The following MTMR14 variants were observed in gnomAD, a reference collection of about 807,000 sequenced individuals.
The protein encoded by MTMR14 is phosphatidylinositol-3,5-bisphosphate 3-phosphatase MTMR14.
Under a neutral mutation model 86.3 loss-of-function variants are expected in MTMR14, and 48 were observed. The observed-to-expected ratio is 0.56, with a 90% CI of 0.44 to 0.71. The LOEUF is 0.71. Ranked by LOEUF, MTMR14 falls within the 30% of genes least tolerant of loss-of-function variation. The pLI is 0.00. For missense variants in MTMR14, 780 were observed against 834.6 expected (o/e 0.93, Z 0.81); for synonymous variants, 366 against 326.1 (o/e 1.12, Z -1.32).
At chr3:9,689,129 G>A in intron 16 of MTMR14, 47 bp downstream of exon 16, 1 of 1,601,072 alleles carries the variant, frequency 6.2e-7, no homozygotes, top group East Asian at 2.2e-5. Flanking sequence ...TGTGGCCCGG[G>A]GCCATCAGCA....
At chr3:9,686,317 C>T (rs1197804643) in intron 13 of MTMR14, among the ~76,000 whole-genome samples, 2 of 152,190 alleles carry the variant, frequency 1.3e-5, no homozygotes, top group Admixed American at 6.5e-5. Context: ...TCCCGGAGCT[C>T]TGGGACATTC....
At chr3:9,650,635 T>C (rs185818816) in intron 1 of MTMR14, 280 of 262,986 alleles carry the variant, frequency 1.1e-3, no homozygotes, top group African/African-American at 5.8e-3. Context: ...AAGTAATTTT[T>C]CCAAGTATAG....
chr3:9,670,457 G>A (rs2048506645), intron 5 of MTMR14, among the ~76,000 whole-genome samples: 1 of 152,238 alleles, frequency 6.6e-6, no homozygotes, highest in African/African-American at 2.4e-5. Context: ...ACTTCTGCCT[G>A]TATCTGCAGG....
At chr3:9,668,622 A>G in intron 3 of MTMR14, 97 bp from the exon 4 acceptor site, 1 of 1,318,122 alleles carries the variant, frequency 7.6e-7, no homozygotes, top group African/African-American at 1.4e-5. Context: ...TGGGCCCGTT[A>G]TGCTGGCCTG....
chr3:9,688,773 C>A lies in MTMR14; in HGVS notation c.1294+19C>A, dbSNP rs1559608688. 2 of 1,614,088 alleles carry A rather than the reference C, an allele frequency of 1.2e-6. No homozygotes were observed. Among genetic ancestry groups the A allele is most frequent in the African/African-American group, 1.3e-5 (1 of 75,022 alleles). On this transcript the variant is annotated intron_variant, in intron 15 of 18. Coordinates refer to ENST00000296003, the MANE Select transcript of MTMR14 (RefSeq NM_001077525.3). ...ATGCTGAGTGAGTCCTGGGCCCCAA[C>A]AGACTTCCCTTCCTCCATACATCTT... is the stretch of plus-strand genomic sequence containing the variant.
intron 3 of MTMR14, among the ~76,000 whole-genome samples, chr3:9,662,721 A>C (rs1277342086): frequency 6.6e-6 from 1 of 152,246 alleles, no homozygotes; most frequent in Non-Finnish European, 1.5e-5. Flanking sequence ...AGATTAAATC[A>C]AATGAGTTCC....
chr3:9,653,854 G>A (rs1316193862), intron 2 of MTMR14, 85 bp downstream of exon 2: 1 of 1,564,812 alleles, frequency 6.4e-7, no homozygotes, highest in African/African-American at 1.4e-5. Context: ...AGCTGGGCAG[G>A]GCAGAATCAC....
intron 2 of MTMR14, among the ~76,000 whole-genome samples, chr3:9,660,026 C>T (rs2047833120): frequency 6.6e-6 from 1 of 152,150 alleles, no homozygotes; most frequent in Non-Finnish European, 1.5e-5. Context: ...ATGGTGCTGA[C>T]CAGATATGTG....
At chr3:9,696,369 T>C (rs1043106746) in intron 17 of MTMR14, among the ~76,000 whole-genome samples, 1 of 152,068 alleles carries the variant, frequency 6.6e-6, no homozygotes, top group African/African-American at 2.4e-5. Context: ...CCGGGCATGG[T>C]GGCGGGCGTC....
At chr3:9,669,591 T>G in intron 5 of MTMR14, 99 bp downstream of exon 5, 1 of 1,261,812 alleles carries the variant, frequency 7.9e-7, no homozygotes, top group Non-Finnish European at 1.1e-6. Flanking sequence ...TTGTCACTGG[T>G]TCAGGTGAGT....
chr3:9,664,049 A>G (rs11715076), intron 3 of MTMR14, among the ~76,000 whole-genome samples: 13,514 of 151,184 alleles, frequency 0.089, 599 homozygotes, highest in Admixed American at 0.12. Flanking sequence ...TCAGCCTCCC[A>G]AAGTGCTGGG....
chr3:9,653,108 C>T (rs897946198), intron 1 of MTMR14, among the ~76,000 whole-genome samples: 1 of 152,162 alleles, frequency 6.6e-6, no homozygotes, highest in African/African-American at 2.4e-5. Context: ...CGTGGTTCTA[C>T]GCACCTGTAA....
intron 3 of MTMR14, among the ~76,000 whole-genome samples, chr3:9,666,526 C>A (rs961515809): frequency 6.6e-6 from 1 of 152,144 alleles, no homozygotes; most frequent in Non-Finnish European, 1.5e-5. Context: ...GTAAAATATT[C>A]ATTTTAAAAG....
chr3:9,676,103 C>G (rs1361024549), intron 7 of MTMR14, among the ~76,000 whole-genome samples: 4 of 152,156 alleles, frequency 2.6e-5, no homozygotes, highest in Admixed American at 2.6e-4. Context: ...AGAGTTGCTG[C>G]GACATTCCAT....
At chr3:9,649,889 T>C in intron 1 of MTMR14, 147 bp downstream of exon 1, 4 of 1,518,840 alleles carry the variant, frequency 2.6e-6, no homozygotes, top group Non-Finnish European at 3.5e-6. Context: ...CCAGGGTCTG[T>C]ATCCGGAGTA....
chr3:9,661,723 C>T (rs2047944537), intron 2 of MTMR14, among the ~76,000 whole-genome samples: 2 of 151,810 alleles, frequency 1.3e-5, no homozygotes, highest in African/African-American at 4.8e-5. Context: ...CAGTTTAGCT[C>T]ACTTTTTTTT....
chr3:9,683,182 G>T lies in MTMR14; in HGVS notation c.902G>T (p.Trp301Leu). The T allele has an allele frequency of 1.2e-6, 2 of 1,613,932 alleles. No individual in the cohort carries two copies. Among genetic ancestry groups the T allele is most frequent in the Non-Finnish European group, 1.7e-6 (2 of 1,179,860 alleles). The change falls in exon 10 of 19, where the codon TGG (tryptophan) becomes TTG (leucine). Residue 301 changes from tryptophan (W) to leucine (L), a missense_variant. By Grantham distance (61) the Trp-to-Leu change is moderately conservative (BLOSUM62 -2). Coordinates refer to ENST00000296003, the MANE Select transcript of MTMR14 (RefSeq NM_001077525.3). ...CTTCTCACTTTTCTCCAACAGTGTT[G>T]GGATCTGGTGCAACAAACACAAAAC... ...LNIDWSQYQC[W>L]DLVQQTQNYL...
chr3:9,651,864 CT>C (rs2047316732), intron 1 of MTMR14, among the ~76,000 whole-genome samples: 1 of 150,870 alleles, frequency 6.6e-6, no homozygotes, highest in South Asian at 2.1e-4. Flanking sequence ...TGGCGTCTCA[CT>C]CTGTCGCCCA....
chr3:9,673,951 G>A (rs1034745989), intron 7 of MTMR14, among the ~76,000 whole-genome samples: 1 of 151,926 alleles, frequency 6.6e-6, no homozygotes, highest in African/African-American at 2.4e-5. Context: ...GTTGATGATG[G>A]TGATGATGAT....
Sources: gnomAD v4.1 joint callset for allele counts (sites outside exome capture counted in the v4.1 genomes callset) on GRCh38, gnomAD v4.1.1 for gene constraint, MANE v1.5 for transcripts, NCBI Gene and HGNC (gene_info 2026-07-23, HGNC 2026-07-21) for gene names.